The following CTNNA1 variants were observed in gnomAD, a reference collection of about 807,000 sequenced individuals.
The protein encoded by CTNNA1 is catenin alpha 1, also known as catenin alpha-1.
CTNNA1 carries 37 observed loss-of-function variants against 98.4 expected under a neutral mutation model. The observed-to-expected ratio is 0.38, with a 90% CI of 0.29 to 0.49. The LOEUF is 0.49. Among genes scored for constraint, CTNNA1 ranks in the 20% least tolerant of loss-of-function variants. The pLI is 0.95. For missense variants in CTNNA1, 761 were observed against 1,147.2 expected (o/e 0.66, Z 4.86); for synonymous variants, 404 against 413.2 (o/e 0.98, Z 0.27).
At chr5:138,834,075 A>G (rs919810859) in intron 7 of CTNNA1, among the ~76,000 whole-genome samples, 14 of 152,298 alleles carry the variant, frequency 9.2e-5, no homozygotes, top group Non-Finnish European at 1.8e-4. Flanking sequence ...GAAAAGATAT[A>G]TTGTTATTAT....
intron 7 of CTNNA1, among the ~76,000 whole-genome samples, chr5:138,848,440 A>G (rs1762917871): frequency 6.6e-6 from 1 of 152,058 alleles, no homozygotes; most frequent in Non-Finnish European, 1.5e-5. Flanking sequence ...CAGTAGTTTC[A>G]TAGAGCCATT....
chr5:138,784,936 A>T (rs1170205057), intron 3 of CTNNA1, among the ~76,000 whole-genome samples: 3 of 152,188 alleles, frequency 2.0e-5, no homozygotes, highest in Non-Finnish European at 4.4e-5. Context: ...GTATAACCTC[A>T]TCGTAACTTG....
chr5:138,906,474 C>T (rs1021905184), intron 10 of CTNNA1, among the ~76,000 whole-genome samples: 4 of 152,126 alleles, frequency 2.6e-5, no homozygotes, highest in Non-Finnish European at 5.9e-5. Context: ...AATGCTTTCA[C>T]AAATCTGTGG....
At chr5:138,779,819 G>T (rs1754848614) in intron 1 of CTNNA1, among the ~76,000 whole-genome samples, 2 of 151,506 alleles carry the variant, frequency 1.3e-5, no homozygotes, top group Non-Finnish European at 2.9e-5. Flanking sequence ...AGGTTCAAGT[G>T]GTTTTCCTGC....
chr5:138,893,101 C>T (rs1178587809), intron 9 of CTNNA1, among the ~76,000 whole-genome samples: 1 of 152,128 alleles, frequency 6.6e-6, no homozygotes, highest in Non-Finnish European at 1.5e-5. Context: ...TTTCCCTGAG[C>T]CTTTTAGAGG....
intron 9 of CTNNA1, among the ~76,000 whole-genome samples, chr5:138,898,194 C>T (rs565859606): frequency 3.7e-5 from 5 of 134,818 alleles, no homozygotes; most frequent in African/African-American, 1.1e-4. Context: ...TTCGTCTTAC[C>T]GTGTGATATG....
chr5:138,761,522 A>C (rs755216659), intron 1 of CTNNA1, among the ~76,000 whole-genome samples: 4 of 152,108 alleles, frequency 2.6e-5, no homozygotes, highest in Non-Finnish European at 5.9e-5. Flanking sequence ...TTAGCCACTC[A>C]CCTGGCCCAC....
In CTNNA1 at chr5:138,932,615, A is replaced by G. The variant is rs1765612748; in HGVS notation, c.2336A>G (p.Tyr779Cys). 6.2e-7 allele frequency: 1 copy of G among 1,613,980 alleles called. No homozygotes were observed. The highest frequency in any genetic ancestry group is 1.7e-5 in the Admixed American group (1 of 59,996). ...GCTTGCAAGCAGGACCTGCTGGCCT[A>G]CCTGCAACGCATCGCCCTCTACTGC... Reference protein sequence around the residue: ...DSACKQDLLAYLQRIALYCHQ... With the variant: ...DSACKQDLLACLQRIALYCHQ... Residue 779 changes from tyrosine (Y) to cysteine (C), a missense_variant, in exon 17 of 18, where the codon TAC becomes TGC. By Grantham distance (194) the Tyr-to-Cys change is radical (BLOSUM62 -2). Around this residue, in one of 6 missense-constraint regions of CTNNA1, gnomAD observed 77 missense variants for 198.8 expected, o/e 0.39. Coordinates refer to ENST00000302763, the MANE Select transcript of CTNNA1 (RefSeq NM_001903.5).
Position 138,917,732 on chromosome 5 carries a change from T to C in CTNNA1, c.1390-10T>C, listed in dbSNP as rs1762086944. Reference sequence around the variant, plus strand: ...AAAGAGTAAACAGTGAAGTTTAATATCTTTTGCAGGTTATTAATGCTGCAC... The same window carrying C: ...AAAGAGTAAACAGTGAAGTTTAATACCTTTTGCAGGTTATTAATGCTGCAC... On this transcript the variant is annotated splice_polypyrimidine_tract_variant and intron_variant, in intron 10 of 17. Coordinates refer to ENST00000302763, the MANE Select transcript of CTNNA1 (RefSeq NM_001903.5). The C allele has an allele frequency of 6.2e-7, 1 of 1,612,950 alleles. No homozygotes were observed. Among genetic ancestry groups the C allele is most frequent in the South Asian group, 1.1e-5 (1 of 90,890 alleles).
At chr5:138,777,098 A>G (rs1186390421) in intron 1 of CTNNA1, among the ~76,000 whole-genome samples, 1 of 149,226 alleles carries the variant, frequency 6.7e-6, no homozygotes, top group South Asian at 2.2e-4. Flanking sequence ...CTCACTTCTC[A>G]TATGGGGCGG....
chr5:138,786,144 A>C (rs1006761352), intron 3 of CTNNA1, among the ~76,000 whole-genome samples: 1 of 152,100 alleles, frequency 6.6e-6, no homozygotes, highest in African/African-American at 2.4e-5. Flanking sequence ...TTTTGCAATT[A>C]TTTATTATCA....
At chr5:138,834,168 A>G (rs1761551599) in intron 7 of CTNNA1, among the ~76,000 whole-genome samples, 1 of 152,168 alleles carries the variant, frequency 6.6e-6, no homozygotes, top group Admixed American at 6.5e-5. Context: ...GCATAGCCAG[A>G]GCTTTTGAAG....
intron 1 of CTNNA1, among the ~76,000 whole-genome samples, chr5:138,766,466 T>TC (rs397779866): frequency 1.1e-4 from 17 of 150,914 alleles, no homozygotes; most frequent in Admixed American, 2.6e-4. Context: ...TTTTTTTTTT[T>TC]CAGAGGGAGT....
rs149808076 is a variant in CTNNA1, at chr5:138,886,476, C to G, written c.1143+184C>G. Among the ~76,000 whole-genome samples the G allele has an allele frequency of 2.6e-5, 4 of 152,226 alleles. No homozygotes were observed. In the East Asian group the frequency reaches 7.7e-4, roughly 29 times the overall value. Reference sequence around the variant, plus strand: ...AATGGCTAATCAAATTTCATGAAGACATGGGATAATACAGTCTCACTGTGT... The same window carrying G: ...AATGGCTAATCAAATTTCATGAAGAGATGGGATAATACAGTCTCACTGTGT... On this transcript the variant is annotated intron_variant, in intron 8 of 17. Coordinates refer to ENST00000302763, the MANE Select transcript of CTNNA1 (RefSeq NM_001903.5).
At chr5:138,776,695 C>T (rs1378566415) in intron 1 of CTNNA1, among the ~76,000 whole-genome samples, 2 of 150,232 alleles carry the variant, frequency 1.3e-5, no homozygotes, top group Non-Finnish European at 3.0e-5. Flanking sequence ...ACCTCCCTCC[C>T]GGACGGGGCG....
At chr5:138,914,544 G>A (rs556180863) in intron 10 of CTNNA1, among the ~76,000 whole-genome samples, 15 of 152,106 alleles carry the variant, frequency 9.9e-5, no homozygotes, top group African/African-American at 3.4e-4. Context: ...TTAGTTCCCT[G>A]TGCCTGTGAA....
At chr5:138,834,961 A>C (rs1449979914) in intron 7 of CTNNA1, among the ~76,000 whole-genome samples, 4 of 152,094 alleles carry the variant, frequency 2.6e-5, no homozygotes, top group African/African-American at 4.8e-5. Context: ...TTTTGTGGGC[A>C]GGGGGTGGAT....
chr5:138,843,316 A>G (rs1004563241), intron 7 of CTNNA1, among the ~76,000 whole-genome samples: 1 of 151,634 alleles, frequency 6.6e-6, no homozygotes, highest in Admixed American at 6.6e-5. Context: ...GAAAAAACTC[A>G]TAATAATTTT....
intron 1 of CTNNA1, among the ~76,000 whole-genome samples, chr5:138,779,708 T>G (rs545574165): frequency 6.0e-5 from 4 of 67,038 alleles, no homozygotes; most frequent in Non-Finnish European, 2.9e-5. Context: ...ATAACACTGG[T>G]TTTTTTTTGT....
Sources: allele counts gnomAD v4.1 joint callset (sites outside exome capture counted in the v4.1 genomes callset), GRCh38; gene constraint gnomAD v4.1.1; regional missense constraint gnomAD v4.1.1; transcripts MANE v1.5; gene names NCBI Gene and HGNC (gene_info 2026-07-23, HGNC 2026-07-21).